Variants in NOD1 observed in about 807,000 individuals in gnomAD.
NOD1 encodes the protein nucleotide-binding oligomerization domain-containing protein 1.
NOD1 carries 70 observed loss-of-function variants against 81.2 expected under a neutral mutation model. That is an observed-to-expected ratio of 0.86 (90% CI 0.71 to 1.05). The LOEUF is 1.05. Among genes scored for constraint, NOD1 ranks in the 50% least tolerant of loss-of-function variants. The pLI, the probability that NOD1 is intolerant of heterozygous loss-of-function variation, is 0.00. For synonymous variants in NOD1, 508 were observed against 526.9 expected (o/e 0.96, Z 0.49); for missense variants, 1,233 against 1,228.0 (o/e 1.00, Z -0.06).
At chr7:30,457,941 G>A (rs1026256072) in intron 3 of NOD1, among the ~76,000 whole-genome samples, 10 of 152,156 alleles carry the variant, frequency 6.6e-5, no homozygotes, top group African/African-American at 2.2e-4. Flanking sequence ...GGAAAGGAGG[G>A]AAAAGCAATA....
chr7:30,429,338 CT>C, intron 13 of NOD1, 35 bp downstream of exon 13: 1 of 1,550,122 alleles, frequency 6.5e-7, no homozygotes, highest in Non-Finnish European at 8.9e-7. Context: ...TAAACAGTCA[CT>C]GGTGTTATTA....
Position 30,452,639 on chromosome 7 carries a change from A to G in NOD1, c.778T>C (p.Tyr260His), listed in dbSNP as rs751966195. The G allele has an allele frequency of 1.7e-5, 27 of 1,613,664 alleles. No individual in the cohort carries two copies. Among genetic ancestry groups the G allele is most frequent in the Non-Finnish European group, 1.9e-5 (23 of 1,180,046 alleles). The change falls in exon 6 of 14, where the codon TAC becomes CAC. Residue 260 changes from tyrosine (Y) to histidine (H), a missense_variant. Physicochemically the swap from Tyr to His is moderately conservative, Grantham distance 83. Transcript: ENST00000222823. ...LQDLLFKHYC[Y>H]PERDPEEVFA... ...ACCTCCTCGGGGTCCCGCTCTGGGT[A>G]GCAGTAGTGCTTGAAGAGCAGGTCC...
intron 11 of NOD1, among the ~76,000 whole-genome samples, chr7:30,435,372 T>C (rs1049329051): frequency 6.6e-5 from 10 of 152,098 alleles, no homozygotes; most frequent in Admixed American, 1.3e-4. Flanking sequence ...TGTGTGGAAG[T>C]TGGCCTCTGC....
At chr7:30,468,660 A>G (rs1164197194) in intron 1 of NOD1, among the ~76,000 whole-genome samples, 1 of 152,110 alleles carries the variant, frequency 6.6e-6, no homozygotes, top group Non-Finnish European at 1.5e-5. Context: ...GTACCTGCCT[A>G]CCTCAGAGGT....
chr7:30,435,608 G>A (rs1481159781), intron 11 of NOD1, among the ~76,000 whole-genome samples: 1 of 152,074 alleles, frequency 6.6e-6, no homozygotes, highest in Non-Finnish European at 1.5e-5. Context: ...CACCTTTTCT[G>A]TTAAGATTCC....
rs746553358 is a variant in NOD1, at chr7:30,447,177, CAG to C, written c.2286-129_2286-128del. The C allele has an allele frequency of 1.1e-5, 17 of 1,536,216 alleles. No individual in the cohort carries two copies. In the African/African-American group the frequency reaches 2.2e-4, roughly 20 times the overall value. On this transcript the variant is annotated intron_variant, in intron 7 of 13. Coordinates refer to ENST00000222823, the MANE Select transcript of NOD1 (RefSeq NM_006092.4). The stretch of plus-strand genomic sequence containing the variant: ...GGTTGAAAGGGGAACACACAGGCAC[CAG>C]AGTTTAGGGCTCTGAGGTCTCACAG...
chr7:30,456,891 T>C lies in NOD1; in HGVS notation c.31A>G (p.Ile11Val), dbSNP rs375357578. 1.2e-6 allele frequency: 2 copies of C among 1,614,156 alleles called. No individual in the cohort carries two copies. Among genetic ancestry groups the C allele is most frequent in the Non-Finnish European group, 1.7e-6 (2 of 1,179,978 alleles). MEEQGHSEME[I>V]IPSESHPHIQ... ...TGGGGGTGAGACTCTGATGGGATTA[T>C]TTCCATCTCACTGTGGCCCTGCTCT... The change falls in exon 4 of 14, where the codon ATA becomes GTA. Residue 11 changes from isoleucine to valine, a missense_variant. Physicochemically the swap from Ile to Val is conservative, Grantham distance 29 (BLOSUM62 3). Coordinates refer to ENST00000222823, the MANE Select transcript of NOD1 (RefSeq NM_006092.4).
chr7:30,454,951 T>TG (rs1476149440), intron 5 of NOD1, among the ~76,000 whole-genome samples, 186 bp downstream of exon 5: 6 of 152,110 alleles, frequency 3.9e-5, no homozygotes, highest in Non-Finnish European at 8.8e-5. Flanking sequence ...CATCGAGGTG[T>TG]GGGCAGTTCA....
At chr7:30,430,202 G>C (rs1282821221) in intron 12 of NOD1, among the ~76,000 whole-genome samples, 1 of 152,176 alleles carries the variant, frequency 6.6e-6, no homozygotes, top group Non-Finnish European at 1.5e-5. Context: ...CCATGAAATA[G>C]TTCTCATGAA....
rs1197371491 is a variant in NOD1 at position 30,451,368 on chromosome 7, G to C, written c.2049C>G (p.Thr683=). ...AGTCGGCCGAGCAGGCGTTGCAGTA[G>C]GTCAGCTTGAGGTAGTTGGCGCAGA... is the stretch of plus-strand genomic sequence containing the variant. ...RGICANYLKL[T]YCNACSADCS... Residue 683 remains threonine (T), a synonymous_variant, in exon 6 of 14, where the codon ACC becomes ACG. Coordinates refer to ENST00000222823, the MANE Select transcript of NOD1 (RefSeq NM_006092.4). This position sits in a 1 kb window ranked among gnomAD's most constrained non-coding sequence, Gnocchi z 4.2. The C allele has an allele frequency of 2.5e-6, 4 of 1,614,206 alleles. No homozygotes were observed. Among genetic ancestry groups the C allele is most frequent in the Non-Finnish European group, 3.4e-6 (4 of 1,180,042 alleles).
intron 3 of NOD1, among the ~76,000 whole-genome samples, chr7:30,458,924 A>G (rs946811107): frequency 3.3e-5 from 5 of 152,018 alleles, no homozygotes; most frequent in African/African-American, 1.2e-4. Context: ...TTTAGTAGAG[A>G]CAGGGTTTCA....
chr7:30,448,080 T>C, intron 7 of NOD1: 1 of 565,086 alleles, frequency 1.8e-6, no homozygotes, highest in South Asian at 2.3e-5. Context: ...TTGCCTATAC[T>C]GGGATCCCAG....
intron 9 of NOD1, among the ~76,000 whole-genome samples, chr7:30,445,282 A>T (rs1288824722): frequency 1.4e-4 from 12 of 88,400 alleles, no homozygotes; most frequent in East Asian, 3.5e-4. Flanking sequence ...AGAATCTAAA[A>T]AAAAAAAAAA....
chr7:30,429,315 CAGT>C, intron 13 of NOD1, 56 bp downstream of exon 13: 7 of 1,396,890 alleles, frequency 5.0e-6, no homozygotes, highest in Admixed American at 1.7e-5. Flanking sequence ...CTTGCACAGT[CAGT>C]GGTGGTGAGT....
chr7:30,466,387 A>G (rs1471880743), intron 1 of NOD1, among the ~76,000 whole-genome samples: 1 of 151,588 alleles, frequency 6.6e-6, no homozygotes, highest in Non-Finnish European at 1.5e-5. Flanking sequence ...TGCTTCTGGC[A>G]CTATGATTAG....
intron 8 of NOD1, 185 bp downstream of exon 8, chr7:30,446,782 C>T (rs886099510): frequency 2.6e-5 from 15 of 566,744 alleles, no homozygotes; most frequent in Non-Finnish European, 3.8e-5. Context: ...CTACCAATAA[C>T]GGGAGGCCCT....
At position 30,425,472 on chromosome 7, in the gene NOD1, G is replaced by A. The variant is rs1330826693; in HGVS notation, c.*166C>T. On this transcript the variant is annotated 3_prime_UTR_variant, in exon 14 of 14. Transcript: ENST00000222823. ...GTAGCGGGTACTTAGGGAGTTTGCC[G>A]ACCAGACCTTCTGCACAGGAAGCTG... 4.8e-6 allele frequency: 3 copies of A among 630,990 alleles called. No individual in the cohort carries two copies. The highest frequency in any genetic ancestry group is 8.6e-6 in the Non-Finnish European group (3 of 348,872). The allele number at this position is 630,990 out of a possible 1,614,324, so 39.1% of individuals were successfully genotyped here. A position where few individuals can be genotyped will look rare whatever the true frequency, so the allele number is the denominator to read the frequency against.
chr7:30,435,055 G>C (rs1784266416), intron 11 of NOD1, among the ~76,000 whole-genome samples: 1 of 152,056 alleles, frequency 6.6e-6, no homozygotes, highest in African/African-American at 2.4e-5. Flanking sequence ...ACAGATGTGA[G>C]TCACTGCTCC....
At chr7:30,430,084 A>T (rs1166919995) in intron 12 of NOD1, among the ~76,000 whole-genome samples, 1 of 152,194 alleles carries the variant, frequency 6.6e-6, no homozygotes, top group Non-Finnish European at 1.5e-5. Context: ...ACACCATGGG[A>T]CAGGAAGTCT....
Sources: allele counts gnomAD v4.1 joint callset (sites outside exome capture counted in the v4.1 genomes callset), GRCh38; gene constraint gnomAD v4.1.1; non-coding constraint Gnocchi (gnomAD v3.1); transcripts MANE v1.5; gene names NCBI Gene and HGNC (gene_info 2026-07-23, HGNC 2026-07-21).